The following DLGAP2 variants were observed in gnomAD, a reference collection of about 807,000 sequenced individuals.
DLGAP2 encodes the protein DLG associated protein 2.
A neutral mutation model predicts 100.3 loss-of-function variants in DLGAP2; 26 were observed. The ratio of observed to expected loss-of-function variants is 0.26; its 90% CI spans 0.19 to 0.36. DLGAP2 has a LOEUF of 0.36. Ranked by LOEUF, DLGAP2 falls within the 10% of genes least tolerant of loss-of-function variation. DLGAP2 has a pLI of 1.00. For missense variants in DLGAP2, 1,858 were observed against 1,453.2 expected (o/e 1.28, Z -4.53); for synonymous variants, 886 against 630.1 (o/e 1.41, Z -6.08).
chr8:1,627,943 A>G (rs1017891151), intron 7 of DLGAP2, among the ~76,000 whole-genome samples: 7 of 149,006 alleles, frequency 4.7e-5, no homozygotes, highest in African/African-American at 1.8e-4. Context: ...GCAGGGATTA[A>G]GAGCCTGAGC....
chr8:1,136,714 C>T (rs1241606214), intron 2 of DLGAP2, among the ~76,000 whole-genome samples: 1 of 152,192 alleles, frequency 6.6e-6, no homozygotes, highest in Non-Finnish European at 1.5e-5. Flanking sequence ...GAGTGAGGAA[C>T]CACCCGAAGC....
rs143175031 is a variant in DLGAP2, at chr8:1,316,740, C to T, written c.106+57857C>T. Reference sequence around the variant, plus strand: ...AGTGGTCTACACTCGAGAAACTCGGCAGCTTTAAAAATAGAGCGTGTGCGA... The same window carrying T: ...AGTGGTCTACACTCGAGAAACTCGGTAGCTTTAAAAATAGAGCGTGTGCGA... On this transcript the variant is annotated intron_variant, in intron 3 of 14. Coordinates refer to ENST00000637795, the MANE Select transcript of DLGAP2 (RefSeq NM_001346810.2). Among the ~76,000 whole-genome samples the T allele has an allele frequency of 3.7e-4, 48 of 128,896 alleles. 1 individual carries two copies. In the East Asian group the frequency reaches 8.3e-3, roughly 22 times the overall value. 84.6% of individuals were successfully genotyped at this position (128,896 alleles called of 152,430 possible).
intron 4 of DLGAP2, among the ~76,000 whole-genome samples, chr8:1,532,747 G>T (rs1801025934): frequency 6.6e-6 from 1 of 152,312 alleles, no homozygotes; most frequent in African/African-American, 2.4e-5. Flanking sequence ...TCGGGTTTGT[G>T]AAAATACTCT....
At chr8:1,690,838 C>T (rs1460342275) in intron 12 of DLGAP2, among the ~76,000 whole-genome samples, 2 of 151,816 alleles carry the variant, frequency 1.3e-5, no homozygotes, top group African/African-American at 2.4e-5. Flanking sequence ...AGAAATGTAG[C>T]GTTAGCATTA....
intron 3 of DLGAP2, among the ~76,000 whole-genome samples, chr8:1,325,809 C>T (rs117202965): frequency 0.025 from 3,850 of 152,304 alleles, 68 homozygotes; most frequent in Middle Eastern, 0.11. Context: ...GAGTTGTCGT[C>T]AGCTCCTTTT....
At chr8:1,241,540 A>G (rs1394988224) in intron 2 of DLGAP2, among the ~76,000 whole-genome samples, 1 of 152,216 alleles carries the variant, frequency 6.6e-6, no homozygotes, top group East Asian at 1.9e-4. Flanking sequence ...GAAGCAGAAC[A>G]TGTTTCCCAT....
intron 3 of DLGAP2, among the ~76,000 whole-genome samples, chr8:1,418,805 G>A (rs540729771): frequency 1.2e-4 from 18 of 152,250 alleles, no homozygotes; most frequent in Non-Finnish European, 1.6e-4. Context: ...CTCAGACCCC[G>A]CAGGTTAAGG....
chr8:1,071,219 A>G (rs1056233518), intron 2 of DLGAP2, among the ~76,000 whole-genome samples: 3 of 152,186 alleles, frequency 2.0e-5, no homozygotes, highest in Non-Finnish European at 4.4e-5. Flanking sequence ...TGATGATAAA[A>G]ACTGTACTTC....
chr8:1,110,871 C>T (rs1025151549), intron 2 of DLGAP2, among the ~76,000 whole-genome samples: 7 of 152,068 alleles, frequency 4.6e-5, no homozygotes, highest in Non-Finnish European at 8.8e-5. Context: ...GTGCAGGGCT[C>T]AGCTACCCCT....
At chr8:1,317,433 CTT>C (rs1168757156) in intron 3 of DLGAP2, among the ~76,000 whole-genome samples, 1 of 142,512 alleles carries the variant, frequency 7.0e-6, no homozygotes, top group Non-Finnish European at 1.5e-5. Flanking sequence ...ACTCGAGAAA[CTT>C]CGCAGCTTTT....
rs1242047874 is a variant in DLGAP2 at position 1,029,282 on chromosome 8, T to C, written c.73+121316T>C. Among the ~76,000 whole-genome samples, 4 of 152,128 alleles carry C rather than the reference T, an allele frequency of 2.6e-5. No individual in the cohort carries two copies. In the East Asian group the frequency reaches 7.7e-4, roughly 29 times the overall value. ...GAAGCCGTAATTCTGGCTGAGGCTGTCTTGGATGGGATATTAGGGCGAGAA... is the reference window on the plus strand; with the variant it reads ...GAAGCCGTAATTCTGGCTGAGGCTGCCTTGGATGGGATATTAGGGCGAGAA... On this transcript the variant is annotated intron_variant, in intron 2 of 14. Coordinates refer to ENST00000637795, the MANE Select transcript of DLGAP2 (RefSeq NM_001346810.2).
intron 2 of DLGAP2, among the ~76,000 whole-genome samples, chr8:969,704 C>G (rs539467430): frequency 1.2e-4 from 19 of 152,200 alleles, no homozygotes; most frequent in African/African-American, 4.1e-4. Flanking sequence ...TGCAAACCTC[C>G]CCTCAGCTCC....
chr8:1,099,885 G>T (rs190971967), intron 2 of DLGAP2, among the ~76,000 whole-genome samples: 2 of 152,140 alleles, frequency 1.3e-5, no homozygotes, highest in South Asian at 2.1e-4. Flanking sequence ...ATGGAAACAC[G>T]TCCCTTCTAT....
At chr8:1,662,799 T>C (rs1395516852) in intron 8 of DLGAP2, among the ~76,000 whole-genome samples, 1 of 151,746 alleles carries the variant, frequency 6.6e-6, no homozygotes, top group Non-Finnish European at 1.5e-5. Context: ...CACGTGTGAG[T>C]GTGGGCTGTG....
At chr8:1,182,224 C>T (rs1266597624) in intron 2 of DLGAP2, among the ~76,000 whole-genome samples, 1 of 152,234 alleles carries the variant, frequency 6.6e-6, no homozygotes, top group African/African-American at 2.4e-5. Flanking sequence ...ACTGTGCGTT[C>T]CCAACAGGGG....
chr8:1,340,092 A>C (rs1385482986), intron 3 of DLGAP2, among the ~76,000 whole-genome samples: 1 of 152,196 alleles, frequency 6.6e-6, no homozygotes, highest in African/African-American at 2.4e-5. Context: ...AAATTAATTC[A>C]AGATGCATTG....
At chr8:1,519,655 G>C (rs1317661648) in intron 4 of DLGAP2, among the ~76,000 whole-genome samples, 2 of 152,210 alleles carry the variant, frequency 1.3e-5, no homozygotes, top group African/African-American at 4.8e-5. Context: ...TAGATTAAAT[G>C]TTCCAGACCC....
At chr8:1,531,241 CGTGTGT>C (rs58738870) in intron 4 of DLGAP2, among the ~76,000 whole-genome samples, 7 of 143,232 alleles carry the variant, frequency 4.9e-5, no homozygotes, top group East Asian at 2.0e-4. Context: ...AGAGCGTGTG[CGTGTGT>C]GTGTGTGTGT....
rs1191250184 is a variant in DLGAP2, at chr8:1,075,088, C to T, written c.73+167122C>T. 2.0e-5 allele frequency among the ~76,000 whole-genome samples: 3 copies of T among 152,338 alleles called. No individual in the cohort carries two copies. The East Asian group carries it at 5.8e-4, about 29-fold the overall frequency. On this transcript the variant is annotated intron_variant, in intron 2 of 14. Coordinates refer to ENST00000637795, the MANE Select transcript of DLGAP2 (RefSeq NM_001346810.2). ...GGGACCACGGTGCCCACTGCACACA[C>T]CTGCTGTGCCAGGTGAGCCCTCTGG...
Sources: allele counts gnomAD v4.1 joint callset (sites outside exome capture counted in the v4.1 genomes callset), GRCh38; gene constraint gnomAD v4.1.1; transcripts MANE v1.5; gene names NCBI Gene and HGNC (gene_info 2026-07-23, HGNC 2026-07-21).